The following GALNT13 variants were observed in gnomAD, a reference collection of about 807,000 sequenced individuals.
GALNT13 encodes the protein polypeptide N-acetylgalactosaminyltransferase 13.
A neutral mutation model predicts 64.2 loss-of-function variants in GALNT13; 28 were observed. The ratio of observed to expected loss-of-function variants is 0.44; its 90% CI spans 0.32 to 0.60. The LOEUF is 0.60. GALNT13 is among the 20% of genes least tolerant of loss of function. The pLI is 0.05. For synonymous variants in GALNT13, 214 were observed against 224.6 expected, an observed-to-expected ratio of 0.95 and a Z score of 0.42; for missense variants, 577 against 669.8, an observed-to-expected ratio of 0.86 and a Z score of 1.53.
the GALNT13 span, among the ~76,000 whole-genome samples, chr2:153,328,531 G>A: frequency 1.3e-5 from 2 of 152,166 alleles, no homozygotes; most frequent in East Asian, 3.9e-4. Flanking sequence ...GAGGCAGTCT[G>A]GCTACAGTGG....
the GALNT13 span, among the ~76,000 whole-genome samples, chr2:153,424,121 CAT>C: frequency 1.3e-5 from 2 of 149,984 alleles, no homozygotes; most frequent in East Asian, 4.0e-4. Flanking sequence ...GTTCTACCCA[CAT>C]ATACATGGCT....
intron 10 of GALNT13, among the ~76,000 whole-genome samples, chr2:154,407,026 A>G (rs777161186): frequency 2.6e-5 from 4 of 152,174 alleles, no homozygotes; most frequent in Admixed American, 6.6e-5. Context: ...GTAAGAGGGC[A>G]TGCATCTCCG....
chr2:154,166,227 A>C (rs1256934754), intron 4 of GALNT13, among the ~76,000 whole-genome samples: 2 of 152,182 alleles, frequency 1.3e-5, no homozygotes, highest in Non-Finnish European at 2.9e-5. Flanking sequence ...CAACATGGTG[A>C]AACCCCATCT....
the GALNT13 span, among the ~76,000 whole-genome samples, chr2:153,483,264 A>T: frequency 1.3e-5 from 2 of 152,136 alleles, no homozygotes; most frequent in African/African-American, 2.4e-5. Context: ...TTAAACAGGG[A>T]TATGTATATT....
At chr2:153,958,151 T>C (rs891923482) in intron 3 of GALNT13, among the ~76,000 whole-genome samples, 9 of 152,196 alleles carry the variant, frequency 5.9e-5, no homozygotes, top group East Asian at 1.9e-4. Context: ...CTGAGGCTAG[T>C]TGGATAAGGA....
At chr2:154,015,969 A>T (rs1238323101) in intron 3 of GALNT13, among the ~76,000 whole-genome samples, 6 of 152,228 alleles carry the variant, frequency 3.9e-5, no homozygotes, top group Non-Finnish European at 8.8e-5. Context: ...ACAAAATGAA[A>T]TTAATCAGTA....
At chr2:153,924,079 T>G (rs1326535476) in intron 2 of GALNT13, among the ~76,000 whole-genome samples, 1 of 152,130 alleles carries the variant, frequency 6.6e-6, no homozygotes, top group Non-Finnish European at 1.5e-5. Flanking sequence ...AATTCAGGGG[T>G]ACATGTGCAG....
chr2:154,281,354 C>A (rs774537955), intron 8 of GALNT13, among the ~76,000 whole-genome samples: 15 of 152,024 alleles, frequency 9.9e-5, no homozygotes, highest in Non-Finnish European at 1.6e-4. Context: ...CAATCAGAAC[C>A]ATGTGTTGTA....
At chr2:153,498,402 C>A in the GALNT13 span, among the ~76,000 whole-genome samples, 5 of 152,180 alleles carry the variant, frequency 3.3e-5, no homozygotes, top group African/African-American at 1.2e-4. Flanking sequence ...CGCTATTGGC[C>A]CAGATCCCAT....
intron 9 of GALNT13, among the ~76,000 whole-genome samples, chr2:154,341,630 G>A (rs2105225936): frequency 6.6e-6 from 1 of 151,950 alleles, no homozygotes; most frequent in African/African-American, 2.4e-5. Flanking sequence ...AAGGAGGAGA[G>A]GAAAAGAGGC....
intron 8 of GALNT13, among the ~76,000 whole-genome samples, chr2:154,297,996 T>A (rs894381144): frequency 2.0e-5 from 3 of 152,258 alleles, no homozygotes; most frequent in African/African-American, 7.2e-5. Context: ...ATCAAGTAGA[T>A]GTATGGATAC....
At chr2:153,322,919 T>G in the GALNT13 span, among the ~76,000 whole-genome samples, 1 of 152,218 alleles carries the variant, frequency 6.6e-6, no homozygotes, top group African/African-American at 2.4e-5. Context: ...CTGGGTTGGT[T>G]CCAAGTCTTT....
chr2:153,441,996 T>A, the GALNT13 span, among the ~76,000 whole-genome samples: 1 of 152,118 alleles, frequency 6.6e-6, no homozygotes, highest in Non-Finnish European at 1.5e-5. Context: ...TGAATAGAAG[T>A]GGTGAGAGAA....
the GALNT13 span, among the ~76,000 whole-genome samples, chr2:153,782,743 G>A: frequency 1.3e-5 from 2 of 152,158 alleles, no homozygotes; most frequent in South Asian, 2.1e-4. Context: ...GCTCTCAGAA[G>A]AAACCAATCC....
At chr2:153,898,647 G>A (rs1574070079) in intron 1 of GALNT13, among the ~76,000 whole-genome samples, 1 of 151,480 alleles carries the variant, frequency 6.6e-6, no homozygotes, top group Non-Finnish European at 1.5e-5. Flanking sequence ...TTTTCCCTTA[G>A]CTATGAAAAT....
intron 2 of GALNT13, among the ~76,000 whole-genome samples, chr2:153,932,000 G>T (rs1160555710): frequency 6.6e-6 from 1 of 151,938 alleles, no homozygotes; most frequent in African/African-American, 2.4e-5. Flanking sequence ...GGCTTTATTT[G>T]GTTGGTGGGT....
chr2:153,611,706 T>A, the GALNT13 span, among the ~76,000 whole-genome samples: 3 of 133,380 alleles, frequency 2.2e-5, no homozygotes, highest in Non-Finnish European at 4.9e-5. Flanking sequence ...TTTTTTTTTT[T>A]ACTTTAAGTT....
the GALNT13 span, among the ~76,000 whole-genome samples, chr2:153,689,107 G>C: frequency 9.1e-6 from 1 of 110,274 alleles, no homozygotes; most frequent in Admixed American, 8.7e-5. Context: ...TGTGTTTAGC[G>C]TTAGTAGATA....
the GALNT13 span, among the ~76,000 whole-genome samples, chr2:153,692,945 A>G: frequency 2.6e-5 from 4 of 152,274 alleles, no homozygotes; most frequent in Non-Finnish European, 5.9e-5. Flanking sequence ...ATGCTGAGTT[A>G]TTACTTCCAA....
Sources: gnomAD v4.1 joint callset for allele counts (sites outside exome capture counted in the v4.1 genomes callset) on GRCh38, gnomAD v4.1.1 for gene constraint, MANE v1.5 for transcripts, NCBI Gene and HGNC (gene_info 2026-07-23, HGNC 2026-07-21) for gene names.